PDZD9: variants seen among roughly 807,000 people sequenced by gnomAD.
The protein encoded by PDZD9 is PDZ domain containing 9, also known as PDZ domain-containing protein 9.
A neutral mutation model predicts 16.3 loss-of-function variants in PDZD9; 13 were observed. The ratio of observed to expected loss-of-function variants is 0.80; its 90% CI spans 0.52 to 1.27. The LOEUF is 1.27. PDZD9 is among the 50% of genes most tolerant of loss of function. The pLI, the probability that PDZD9 is intolerant of heterozygous loss-of-function variation, is 0.00. For missense variants in PDZD9, 288 were observed against 310.9 expected, an observed-to-expected ratio of 0.93 and a Z score of 0.55; for synonymous variants, 120 against 111.0, an observed-to-expected ratio of 1.08 and a Z score of -0.51.
the PDZD9 span, among the ~76,000 whole-genome samples, chr16:21,975,063 G>A: frequency 6.6e-6 from 1 of 152,198 alleles, no homozygotes; most frequent in African/African-American, 2.4e-5. Context: ...GCACTGTCAT[G>A]TAATTTTTCT....
chr16:21,981,973 TG>T (rs1223910696), downstream of PDZD9, among the ~76,000 whole-genome samples: 5 of 151,320 alleles, frequency 3.3e-5, no homozygotes, highest in African/African-American at 4.9e-5. Context: ...TCCTAGTAAC[TG>T]GGACTACAGG....
the PDZD9 span, among the ~76,000 whole-genome samples, chr16:21,965,210 T>C: frequency 6.6e-6 from 1 of 152,234 alleles, no homozygotes; most frequent in Non-Finnish European, 1.5e-5. Flanking sequence ...TGTAATCTTT[T>C]TTATTTTTTT....
At chr16:21,971,819 G>C in the PDZD9 span, 5 of 1,530,654 alleles carry the variant, frequency 3.3e-6, no homozygotes, top group Admixed American at 6.8e-5. Context: ...CCGAGCTGCA[G>C]AAAAGACTCG....
At chr16:21,961,674 G>C in the PDZD9 span, among the ~76,000 whole-genome samples, 1 of 57,732 alleles carries the variant, frequency 1.7e-5, no homozygotes, top group Non-Finnish European at 5.2e-5. Context: ...ATATATTTTA[G>C]ACAGTCTCGC....
At chr16:21,960,366 T>C in the PDZD9 span, among the ~76,000 whole-genome samples, 1 of 152,254 alleles carries the variant, frequency 6.6e-6, no homozygotes, top group South Asian at 2.1e-4. Flanking sequence ...CTTCTGCATC[T>C]CACCTCTCTC....
chr16:21,974,028 C>G, the PDZD9 span: 35 of 1,464,878 alleles, frequency 2.4e-5, no homozygotes, highest in East Asian at 2.1e-4. Context: ...TTTCTCCCCC[C>G]CGCCATAAAC....
At chr16:21,964,100 A>G in the PDZD9 span, among the ~76,000 whole-genome samples, 2 of 152,304 alleles carry the variant, frequency 1.3e-5, no homozygotes, top group South Asian at 4.1e-4. Flanking sequence ...GTGGTTCAGC[A>G]TGGGACAGGC....
At chr16:21,957,931 TTCTG>T in the PDZD9 span, among the ~76,000 whole-genome samples, 2 of 152,202 alleles carry the variant, frequency 1.3e-5, no homozygotes, top group African/African-American at 2.4e-5. Context: ...ATGGCCTTCC[TTCTG>T]TCTGTGTCCA....
rs1399326586 is a variant in PDZD9, at chr16:21,983,869, G to A, written c.*398C>T. The A allele has an allele frequency of 1.3e-5, 2 of 155,868 alleles. No individual in the cohort carries two copies. Among genetic ancestry groups the A allele is most frequent in the Non-Finnish European group, 2.8e-5 (2 of 70,790 alleles). 9.7% of individuals were successfully genotyped at this position (155,868 alleles called of 1,614,324 possible). A position where few individuals can be genotyped will look rare whatever the true frequency, so the allele number is the denominator to read the frequency against. On this transcript the variant is annotated 3_prime_UTR_variant, in exon 4 of 4. Coordinates refer to ENST00000424898, the MANE Select transcript of PDZD9 (RefSeq NM_001363519.1). The stretch of plus-strand genomic sequence containing the variant: ...TGTGAATAACTAGCCAAAGAATTAT[G>A]TCTCTTAGTTATTTTAATTATAGTA...
At chr16:21,971,582 G>C in the PDZD9 span, 1 of 1,614,130 alleles carries the variant, frequency 6.2e-7, no homozygotes, top group South Asian at 1.1e-5. Context: ...ATGAGGGGTG[G>C]GCTTGGTTTA....
intron 1 of PDZD9, among the ~76,000 whole-genome samples, chr16:22,000,627 C>T (rs1389646042): frequency 1.3e-5 from 2 of 151,966 alleles, no homozygotes; most frequent in African/African-American, 2.4e-5. Context: ...GAGTTTGAGA[C>T]CAGCCTGGCC....
the PDZD9 span, among the ~76,000 whole-genome samples, chr16:21,970,580 C>A: frequency 2.0e-5 from 3 of 151,978 alleles, no homozygotes; most frequent in African/African-American, 7.2e-5. Context: ...ATTTGTATAA[C>A]TTTTTTTGTT....
intron 2 of PDZD9, among the ~76,000 whole-genome samples, chr16:21,995,949 G>C (rs1335714413): frequency 6.6e-6 from 1 of 152,096 alleles, no homozygotes; most frequent in East Asian, 1.9e-4. Flanking sequence ...GTGCCACCAC[G>C]CCTGGCTAAT....
At chr16:21,971,712 T>G in the PDZD9 span, 2 of 1,388,322 alleles carry the variant, frequency 1.4e-6, no homozygotes, top group Non-Finnish European at 2.0e-6. Flanking sequence ...GAATATTTAC[T>G]ACTGAACAGT....
the PDZD9 span, among the ~76,000 whole-genome samples, chr16:21,973,031 C>T: frequency 2.0e-5 from 3 of 152,170 alleles, no homozygotes; most frequent in South Asian, 4.1e-4. Flanking sequence ...ACCCAGGAGG[C>T]GGAGGATTCA....
intron 2 of PDZD9, chr16:21,995,209 T>C (rs1001506930): frequency 1.3e-5 from 6 of 457,796 alleles, no homozygotes; most frequent in Non-Finnish European, 2.6e-5. Context: ...TACTCTCTCT[T>C]CCTCCCGCTC....
chr16:21,975,967 A>G, the PDZD9 span, among the ~76,000 whole-genome samples: 1 of 152,166 alleles, frequency 6.6e-6, no homozygotes, highest in African/African-American at 2.4e-5. Flanking sequence ...CTGGGGCAGG[A>G]GGATTGTGTA....
At chr16:21,959,553 A>T in the PDZD9 span, 1 of 153,948 alleles carries the variant, frequency 6.5e-6, no homozygotes, top group African/African-American at 2.4e-5. Context: ...GTCATCCATA[A>T]GGGTTGGAAT....
the PDZD9 span, chr16:21,974,039 A>G: frequency 6.9e-7 from 1 of 1,454,952 alleles, no homozygotes; most frequent in Admixed American, 2.0e-5. Context: ...CGCCATAAAC[A>G]TGTTTTCGGT....
Sources: allele counts gnomAD v4.1 joint callset (sites outside exome capture counted in the v4.1 genomes callset), GRCh38; gene constraint gnomAD v4.1.1; transcripts MANE v1.5; gene names NCBI Gene and HGNC (gene_info 2026-07-23, HGNC 2026-07-21).